The following EMSY variants were observed in gnomAD, a reference collection of about 807,000 sequenced individuals.
The protein encoded by EMSY is EMSY transcriptional repressor, BRCA2 interacting, also known as BRCA2-interacting transcriptional repressor EMSY.
EMSY carries 26 observed loss-of-function variants against 134.6 expected under a neutral mutation model. That is an observed-to-expected ratio of 0.19 (90% CI 0.14 to 0.27). The LOEUF (loss-of-function observed/expected upper bound fraction) is 0.27, where lower values mean the gene tolerates loss of function less well. Ranked by LOEUF, EMSY falls within the 10% of genes least tolerant of loss-of-function variation. The pLI, the probability that EMSY is intolerant of heterozygous loss-of-function variation, is 1.00. For synonymous variants in EMSY, 579 were observed against 577.8 expected (o/e 1.00, Z -0.03); for missense variants, 1,305 against 1,611.4 (o/e 0.81, Z 3.26).
intron 7 of EMSY, among the ~76,000 whole-genome samples, chr11:76,468,914 A>G (rs1948464009): frequency 6.6e-6 from 1 of 152,138 alleles, no homozygotes; most frequent in Admixed American, 6.5e-5. Context: ...AATTTGAATT[A>G]TGGCCTGAAT....
chr11:76,544,231 A>G lies in EMSY; in HGVS notation c.2710-28A>G, dbSNP rs769475064. 1.2e-5 allele frequency: 19 copies of G among 1,561,498 alleles called. No individual in the cohort carries two copies. In the South Asian group the frequency reaches 1.6e-4, roughly 13 times the overall value. Reference sequence around the variant, plus strand: ...GCAATGTAGATGTTTTTCTTATTTCATTCTTACTTTGTGCCTTTTTTACTT... The same window carrying G: ...GCAATGTAGATGTTTTTCTTATTTCGTTCTTACTTTGTGCCTTTTTTACTT... On this transcript the variant is annotated intron_variant, in intron 18 of 20. Transcript: ENST00000334736.
intron 20 of EMSY, among the ~76,000 whole-genome samples, chr11:76,547,713 G>C (rs1951704257): frequency 6.6e-6 from 1 of 152,172 alleles, no homozygotes; most frequent in Non-Finnish European, 1.5e-5. Context: ...CATGCCTACT[G>C]GGGGCTTAGA....
chr11:76,523,543 G>A (rs1297829133), intron 12 of EMSY, among the ~76,000 whole-genome samples: 1 of 152,148 alleles, frequency 6.6e-6, no homozygotes, highest in East Asian at 1.9e-4. Context: ...GCTTTGTCCA[G>A]ATAGAGAATT....
At chr11:76,491,856 G>C (rs1949438790) in intron 8 of EMSY, among the ~76,000 whole-genome samples, 1 of 152,216 alleles carries the variant, frequency 6.6e-6, no homozygotes, top group Non-Finnish European at 1.5e-5. Context: ...TAGCTGCCTA[G>C]CTGTCCATCC....
chr11:76,525,370 A>G (rs1216944814), intron 12 of EMSY, among the ~76,000 whole-genome samples: 1 of 152,226 alleles, frequency 6.6e-6, no homozygotes, highest in Non-Finnish European at 1.5e-5. Context: ...AATTATATTT[A>G]GCTCTGAATT....
At chr11:76,546,981 C>T in intron 20 of EMSY, 1 of 429,288 alleles carries the variant, frequency 2.3e-6, no homozygotes, top group Non-Finnish European at 4.6e-6. Flanking sequence ...TAGATGGTAC[C>T]TCACATTCCC....
At chr11:76,550,140 G>A in exon 21 of EMSY, 1 of 1,609,782 alleles carries the variant, frequency 6.2e-7, no homozygotes, top group Non-Finnish European at 8.5e-7. Context: ...CTGCTGAACG[G>A]TCCTAGTGTT....
chr11:76,540,425 A>T (rs1342448620), intron 17 of EMSY, among the ~76,000 whole-genome samples: 1 of 152,152 alleles, frequency 6.6e-6, no homozygotes. Flanking sequence ...CATATGGAAG[A>T]TTTTATTAAC....
chr11:76,539,680 A>G, intron 17 of EMSY, 40 bp downstream of exon 18: 1 of 1,596,830 alleles, frequency 6.3e-7, no homozygotes, highest in Non-Finnish European at 8.6e-7. Context: ...ACTGAAGGTA[A>G]AAGATGATTG....
intron 18 of EMSY, 99 bp downstream of exon 19, chr11:76,542,466 G>A (rs1274286861): frequency 4.2e-6 from 6 of 1,431,118 alleles, no homozygotes; most frequent in Non-Finnish European, 5.8e-6. Flanking sequence ...TAATTGGAAC[G>A]TAGAGTGTTT....
At chr11:76,483,360 A>G (rs1411106184) in intron 8 of EMSY, among the ~76,000 whole-genome samples, 1 of 152,314 alleles carries the variant, frequency 6.6e-6, no homozygotes, top group African/African-American at 2.4e-5. Flanking sequence ...GGACAAAATA[A>G]CCAGCTGGCA....
intron 8 of EMSY, among the ~76,000 whole-genome samples, chr11:76,481,508 G>C (rs1055369414): frequency 1.3e-5 from 2 of 152,156 alleles, no homozygotes; most frequent in South Asian, 4.1e-4. Flanking sequence ...TGAAATTCTC[G>C]CTGCCAGCAC....
At chr11:76,481,669 AG>A (rs1326374638) in intron 8 of EMSY, among the ~76,000 whole-genome samples, 12 of 152,208 alleles carry the variant, frequency 7.9e-5, no homozygotes, top group Non-Finnish European at 1.5e-5. Context: ...AGCTCATCAA[AG>A]CTGCTGTAGC....
At chr11:76,514,957 TATA>T (rs1300336521) in intron 10 of EMSY, among the ~76,000 whole-genome samples, 1 of 152,170 alleles carries the variant, frequency 6.6e-6, no homozygotes, top group Non-Finnish European at 1.5e-5. Context: ...GTGTCTGTGT[TATA>T]ATAAGTGTTT....
intron 13 of EMSY, among the ~76,000 whole-genome samples, chr11:76,527,483 G>A (rs1207957574): frequency 6.6e-6 from 1 of 152,054 alleles, no homozygotes; most frequent in Non-Finnish European, 1.5e-5. Flanking sequence ...AATCTTATAT[G>A]TGGTAGAAAC....
chr11:76,520,781 C>G (rs1950613069), intron 11 of EMSY, among the ~76,000 whole-genome samples: 1 of 142,934 alleles, frequency 7.0e-6, no homozygotes, highest in Non-Finnish European at 1.5e-5. Flanking sequence ...TAAGTTTACA[C>G]AAACTTAGTG....
intron 11 of EMSY, among the ~76,000 whole-genome samples, chr11:76,521,202 G>A (rs1186723938): frequency 6.6e-6 from 1 of 152,144 alleles, no homozygotes; most frequent in Admixed American, 6.5e-5. Context: ...GTGTACTCTG[G>A]AGTACATGCT....
chr11:76,508,039 T>A (rs74904466), intron 9 of EMSY, among the ~76,000 whole-genome samples: 3,853 of 151,902 alleles, frequency 0.025, 59 homozygotes, highest in East Asian at 0.06. Context: ...CTAATTTTTT[T>A]AAAAAAATTT....
At chr11:76,484,459 G>A (rs1949101892) in intron 8 of EMSY, among the ~76,000 whole-genome samples, 2 of 152,294 alleles carry the variant, frequency 1.3e-5, no homozygotes, top group South Asian at 4.1e-4. Flanking sequence ...AGTGAATCCA[G>A]GAGCTGGTTT....
Sources: gnomAD v4.1 joint callset for allele counts (sites outside exome capture counted in the v4.1 genomes callset) on GRCh38, gnomAD v4.1.1 for gene constraint, MANE v1.5 for transcripts, NCBI Gene and HGNC (gene_info 2026-07-23, HGNC 2026-07-21) for gene names.